ZNF652: variants seen among roughly 807,000 people sequenced by gnomAD.
ZNF652 encodes the protein zinc finger protein 652.
A neutral mutation model predicts 45.2 loss-of-function variants in ZNF652; 16 were observed. The ratio of observed to expected loss-of-function variants is 0.35; its 90% confidence interval spans 0.24 to 0.54. The LOEUF is 0.54. Among genes scored for constraint, ZNF652 ranks in the 20% least tolerant of loss-of-function variants. The pLI, the probability that ZNF652 is intolerant of heterozygous loss-of-function variation, is 0.91. For synonymous variants in ZNF652, 250 were observed against 260.6 expected (o/e 0.96, Z 0.39); for missense variants, 614 against 765.6 (o/e 0.80, Z 2.34).
intron 1 of ZNF652, among the ~76,000 whole-genome samples, chr17:49,337,031 A>C (rs918088678): frequency 6.8e-6 from 1 of 146,634 alleles, no homozygotes; most frequent in Non-Finnish European, 1.5e-5. Flanking sequence ...TTACATTTTA[A>C]CACAACTTGT....
intron 1 of ZNF652, among the ~76,000 whole-genome samples, chr17:49,337,350 A>G (rs917065413): frequency 6.6e-5 from 10 of 151,348 alleles, no homozygotes; most frequent in Admixed American, 4.0e-4. Flanking sequence ...AAAAAAAAAA[A>G]AAAAGAAAAA....
intron 1 of ZNF652, among the ~76,000 whole-genome samples, chr17:49,351,057 AT>A (rs1215243963): frequency 7.0e-6 from 1 of 142,330 alleles, no homozygotes; most frequent in East Asian, 2.0e-4. Context: ...ACACACACAT[AT>A]TTTTATATAA....
intron 4 of ZNF652, 97 bp downstream of exon 4, chr17:49,311,830 T>C (rs2069716388): frequency 9.8e-7 from 1 of 1,021,154 alleles, no homozygotes; most frequent in Admixed American, 2.2e-5. Context: ...GAAGGCAGCC[T>C]TGTGCCTCCT....
intron 1 of ZNF652, among the ~76,000 whole-genome samples, chr17:49,355,580 T>TA (rs898462357): frequency 1.3e-5 from 2 of 150,812 alleles, no homozygotes; most frequent in African/African-American, 4.9e-5. Context: ...CTGTCTCAAA[T>TA]AAAAAAAATA....
At chr17:49,342,046 C>T (rs1001668609) in intron 1 of ZNF652, among the ~76,000 whole-genome samples, 1 of 152,000 alleles carries the variant, frequency 6.6e-6, no homozygotes, top group Admixed American at 6.6e-5. Flanking sequence ...ATTAGCCGGG[C>T]ATGGTGGCAG....
chr17:49,362,445 C>G (rs888627753), upstream of ZNF652: 1 of 152,168 alleles, frequency 6.6e-6, no homozygotes, highest in African/African-American at 2.4e-5. Flanking sequence ...GTGAGCGCTC[C>G]GCCGCCCAGA....
intron 1 of ZNF652, among the ~76,000 whole-genome samples, chr17:49,358,121 A>T (rs938402527): frequency 4.6e-5 from 7 of 152,200 alleles, no homozygotes; most frequent in Non-Finnish European, 7.3e-5. Flanking sequence ...CCTCATAACA[A>T]ATTCCATTCT....
At chr17:49,339,587 T>C (rs1471388252) in intron 1 of ZNF652, among the ~76,000 whole-genome samples, 3 of 152,144 alleles carry the variant, frequency 2.0e-5, no homozygotes, top group Non-Finnish European at 2.9e-5. Context: ...GCGACCCTCA[T>C]TCAAAATGAA....
At chr17:49,299,376 T>A (rs142185542) in intron 5 of ZNF652, among the ~76,000 whole-genome samples, 134 of 152,192 alleles carry the variant, frequency 8.8e-4, no homozygotes, top group African/African-American at 2.9e-3. Context: ...TGTAAGAAAT[T>A]TTTTTTCTTT....
chr17:49,322,504 G>A (rs1444922674), intron 1 of ZNF652: 1 of 152,186 alleles, frequency 6.6e-6, no homozygotes, highest in Non-Finnish European at 1.5e-5. Flanking sequence ...TTCGGCTCCA[G>A]ACCACTGCAA....
At position 49,298,363 on chromosome 17, in the gene ZNF652, G is replaced by T. The variant is rs372686734; in HGVS notation, c.*50C>A. The T allele has an allele frequency of 4.4e-6, 7 of 1,606,604 alleles. No individual in the cohort carries two copies. The highest frequency in any genetic ancestry group is 5.9e-6 in the Non-Finnish European group (7 of 1,177,060). On this transcript the variant is annotated 3_prime_UTR_variant, in exon 6 of 6. Coordinates refer to ENST00000430262, the MANE Select transcript of ZNF652 (RefSeq NM_001145365.3). Reference sequence around the variant, plus strand: ...ATGCTCACCGACTCCCTCTGTGCACGCTCACACATGGGGACGTGTCTCCTG... The same window carrying T: ...ATGCTCACCGACTCCCTCTGTGCACTCTCACACATGGGGACGTGTCTCCTG...
In ZNF652 at chr17:49,290,539, G is replaced by A. The variant is rs945043462; in HGVS notation, c.*7874C>T. Reference sequence around the variant, plus strand: ...ACTCATACTCCAGAGTTCCCCCAGTGCTCTTGTTCCTCCTATAGATGTGAT... The same window carrying A: ...ACTCATACTCCAGAGTTCCCCCAGTACTCTTGTTCCTCCTATAGATGTGAT... On this transcript the variant is annotated 3_prime_UTR_variant, in exon 6 of 6. Transcript: ENST00000430262. 1.3e-5 allele frequency: 2 copies of A among 152,278 alleles called. No individual in the cohort carries two copies. Among genetic ancestry groups the A allele is most frequent in the African/African-American group, 4.8e-5 (2 of 41,438 alleles). The allele number at this position is 152,278 out of a possible 1,614,324, so 9.4% of individuals were successfully genotyped here.
At chr17:49,343,603 C>A (rs1162356963) in intron 1 of ZNF652, among the ~76,000 whole-genome samples, 1 of 151,368 alleles carries the variant, frequency 6.6e-6, no homozygotes. Flanking sequence ...TGTCATCAGT[C>A]GAAAACCTTA....
At chr17:49,303,820 G>A (rs184999792) in intron 5 of ZNF652, among the ~76,000 whole-genome samples, 2 of 152,138 alleles carry the variant, frequency 1.3e-5, no homozygotes, top group African/African-American at 4.8e-5. Flanking sequence ...ATGTATGGAT[G>A]TTTAGGTTTT....
chr17:49,331,149 T>C (rs1200120639), intron 1 of ZNF652, among the ~76,000 whole-genome samples: 1 of 119,490 alleles, frequency 8.4e-6, no homozygotes, highest in Non-Finnish European at 1.7e-5. Flanking sequence ...TGGGACGGAG[T>C]CTCGCTCTGT....
intron 1 of ZNF652, among the ~76,000 whole-genome samples, chr17:49,358,791 A>C (rs532827990): frequency 1.9e-4 from 29 of 152,334 alleles, no homozygotes; most frequent in Middle Eastern, 3.4e-3. Flanking sequence ...CCACAGCTGC[A>C]GAAAGTAGGT....
At chr17:49,307,914 G>A (rs1232348991) in intron 5 of ZNF652, among the ~76,000 whole-genome samples, 1 of 152,114 alleles carries the variant, frequency 6.6e-6, no homozygotes, top group Non-Finnish European at 1.5e-5. Context: ...AGCCATTAAA[G>A]TTATATTGCT....
At chr17:49,329,361 C>T (rs951758599) in intron 1 of ZNF652, among the ~76,000 whole-genome samples, 2 of 152,182 alleles carry the variant, frequency 1.3e-5, no homozygotes, top group Non-Finnish European at 2.9e-5. Context: ...TTTGTTATTA[C>T]AGTATCAACG....
chr17:49,298,821 A>G lies in ZNF652; in HGVS notation c.1413T>C (p.Cys471=). Residue 471 remains cysteine (C), a synonymous_variant, in exon 6 of 6, where the codon TGT becomes TGC. Coordinates refer to ENST00000430262, the MANE Select transcript of ZNF652 (RefSeq NM_001145365.3). ...RTHTGEKPYP[C]DVCGQRFRFS... is the part of the protein sequence containing the mutation. ...AGCGGAACCGCTGGCCACACACATCACATGGATAGGGCTTCTCGCCTGTGT... is the reference window on the plus strand; with the variant it reads ...AGCGGAACCGCTGGCCACACACATCGCATGGATAGGGCTTCTCGCCTGTGT... 6.2e-7 allele frequency: 1 copy of G among 1,614,142 alleles called. No individual in the cohort carries two copies. Among genetic ancestry groups the G allele is most frequent in the Non-Finnish European group, 8.5e-7 (1 of 1,180,036 alleles).
Sources: gnomAD v4.1 joint callset for allele counts (sites outside exome capture counted in the v4.1 genomes callset) on GRCh38, gnomAD v4.1.1 for gene constraint, MANE v1.5 for transcripts, NCBI Gene and HGNC (gene_info 2026-07-23, HGNC 2026-07-21) for gene names.